Variants in DMD observed in about 807,000 individuals in gnomAD.
DMD encodes dystrophin, also known as mutant dystrophin.
A neutral mutation model predicts 330.1 loss-of-function variants in DMD; 63 were observed. The ratio of observed to expected loss-of-function variants is 0.19; its 90% confidence interval spans 0.16 to 0.24. The LOEUF (loss-of-function observed/expected upper bound fraction) is 0.24. Among genes scored for constraint, DMD ranks in the 10% least tolerant of loss-of-function variants. The pLI is 1.00. For missense variants in DMD, 3,344 were observed against 2,684.1 expected (o/e 1.25, Z -5.43); for synonymous variants, 1,223 against 959.8 (o/e 1.27, Z -5.07).
At chrX:33,216,447 G>A (rs1032514271), upstream of DMD, among the ~76,000 whole-genome samples, 1 of 111,006 alleles carries the variant, frequency 9.0e-6, no homozygotes, top group Admixed American at 9.6e-5. Context: ...GACTACTAGA[G>A]GGGGAATGGA....
chrX:31,902,409 T>C (rs192051899), intron 47 of DMD, among the ~76,000 whole-genome samples: 5 of 111,825 alleles, frequency 4.5e-5, no homozygotes, highest in Admixed American at 1.9e-4. Flanking sequence ...TGGATTTCTC[T>C]TTCTGAACAA....
intron 2 of DMD, among the ~76,000 whole-genome samples, chrX:32,922,573 A>G (rs2088534543): frequency 8.9e-6 from 1 of 112,258 alleles, no homozygotes; most frequent in Non-Finnish European, 1.9e-5. Context: ...TCTCATAAGG[A>G]GCACACAACC....
intron 45 of DMD, among the ~76,000 whole-genome samples, chrX:31,958,714 T>G (rs1354324964): frequency 1.8e-5 from 2 of 111,957 alleles, no homozygotes; most frequent in African/African-American, 6.5e-5. Context: ...GGTACCTTAT[T>G]GAGAAGCAGT....
At chrX:32,845,409 C>T (rs2080566039) in intron 3 of DMD, among the ~76,000 whole-genome samples, 1 of 112,082 alleles carries the variant, frequency 8.9e-6, no homozygotes, top group South Asian at 3.7e-4. Context: ...AAACCAACAT[C>T]TGCATAGTTC....
At chrX:31,774,496 A>G (rs1311338471) in intron 50 of DMD, among the ~76,000 whole-genome samples, 1 of 112,037 alleles carries the variant, frequency 8.9e-6, no homozygotes, top group Admixed American at 9.5e-5. Context: ...AAGCCTTCTC[A>G]GTAACAATCA....
chrX:32,408,913 C>CT (rs2098130781), intron 30 of DMD, among the ~76,000 whole-genome samples: 1 of 86,281 alleles, frequency 1.2e-5, no homozygotes, highest in Non-Finnish European at 2.4e-5. Context: ...TCTATCTATC[C>CT]ATCCATCAAT....
chrX:33,140,447 C>T (rs2047738722), intron 1 of DMD, among the ~76,000 whole-genome samples: 2 of 111,941 alleles, frequency 1.8e-5, no homozygotes, highest in African/African-American at 3.2e-5. Flanking sequence ...ATTTTCAACG[C>T]TAACTTAAGC....
intron 47 of DMD, among the ~76,000 whole-genome samples, chrX:31,902,202 A>T (rs1325898283): frequency 8.9e-6 from 1 of 112,104 alleles, no homozygotes. Context: ...TCTTCGTTAG[A>T]GATGACTAGC....
rs779572260 is a variant in DMD, at chrX:32,365,111, T to A, written c.4934A>T (p.Lys1645Met). 3 of 1,211,157 alleles carry A rather than the reference T, an allele frequency of 2.5e-6. No individual in the cohort carries two copies. The highest frequency in any genetic ancestry group is 3.0e-5 in the East Asian group (1 of 33,772). Residue 1645 changes from lysine (K) to methionine (M), a missense_variant, in exon 35 of 79, where the codon AAG becomes ATG. By Grantham distance (95) the Lys-to-Met change is moderately conservative. Transcript: ENST00000357033. Reference protein sequence around the residue: ...GEALKTVLGKKETLVEDKLSL... With the variant: ...GEALKTVLGKMETLVEDKLSL... ...GAGTTTATCTTCCACCAACGTCTCC[T>A]TCTTGCCCAAAACTGTTTTCAAGGC...
intron 44 of DMD, among the ~76,000 whole-genome samples, chrX:32,080,304 T>A (rs1464413009): frequency 8.9e-6 from 1 of 112,286 alleles, no homozygotes. Flanking sequence ...GTTGCTATAA[T>A]TACAGACAAA....
chrX:33,197,694 T>G (rs2051026967), intron 1 of DMD, among the ~76,000 whole-genome samples: 1 of 112,068 alleles, frequency 8.9e-6, no homozygotes, highest in Non-Finnish European at 1.9e-5. Context: ...AACACAGTAT[T>G]TAACCTTTGA....
At chrX:31,381,581 C>A (rs1208831868) in intron 60 of DMD, among the ~76,000 whole-genome samples, 3 of 111,592 alleles carry the variant, frequency 2.7e-5, no homozygotes, top group Non-Finnish European at 5.6e-5. Context: ...CCACATTATT[C>A]CTGATACCAC....
chrX:31,316,161 A>G (rs1460805873), intron 62 of DMD, among the ~76,000 whole-genome samples: 1 of 112,000 alleles, frequency 8.9e-6, no homozygotes, highest in Non-Finnish European at 1.9e-5. Flanking sequence ...TAAGCACCAA[A>G]CTGTAGGAGC....
intron 17 of DMD, among the ~76,000 whole-genome samples, chrX:32,540,375 G>A (rs771137967): frequency 9.6e-4 from 107 of 111,419 alleles, no homozygotes; most frequent in Non-Finnish European, 1.5e-3. Flanking sequence ...TTTAGGAATC[G>A]ACTAAATGTA....
chrX:32,570,410 ACAAG>A (rs35226161), intron 15 of DMD, among the ~76,000 whole-genome samples: 42,859 of 110,528 alleles, frequency 0.39, 7,028 homozygotes, highest in East Asian at 0.7. Context: ...CTCTTTGTTC[ACAAG>A]CAAGGTGACA....
intron 53 of DMD, among the ~76,000 whole-genome samples, chrX:31,662,193 T>C (rs1479888966): frequency 1.8e-5 from 2 of 111,753 alleles, no homozygotes; most frequent in African/African-American, 3.3e-5. Flanking sequence ...AGTATTTATG[T>C]GGAAATATGA....
intron 13 of DMD, among the ~76,000 whole-genome samples, chrX:32,590,509 A>G (rs1031416660): frequency 4.5e-5 from 5 of 111,188 alleles, no homozygotes; most frequent in Admixed American, 1.9e-4. Context: ...CCCACCCTCA[A>G]TGTGGGTGGG....
intron 2 of DMD, among the ~76,000 whole-genome samples, chrX:32,992,681 C>T (rs757300207): frequency 1.2e-3 from 128 of 109,997 alleles, no homozygotes; most frequent in African/African-American, 3.1e-3. Flanking sequence ...CCGATGGGGG[C>T]GGATCACCTG....
At chrX:33,047,882 A>G (rs753499555) in intron 1 of DMD, among the ~76,000 whole-genome samples, 18 of 112,228 alleles carry the variant, frequency 1.6e-4, no homozygotes, top group Non-Finnish European at 3.2e-4. Context: ...TTCATTCCAA[A>G]AAAGAATTTT....
Sources: gnomAD v4.1 joint callset for allele counts (sites outside exome capture counted in the v4.1 genomes callset) on GRCh38, gnomAD v4.1.1 for gene constraint, MANE v1.5 for transcripts, NCBI Gene and HGNC (gene_info 2026-07-23, HGNC 2026-07-21) for gene names.